Variants in ADAMTS3 observed in about 807,000 individuals in gnomAD.
ADAMTS3 encodes the protein A disintegrin and metalloproteinase with thrombospondin motifs 3.
In ADAMTS3, 73 loss-of-function variants were observed where a neutral mutation model predicts 129.0. The ratio of observed to expected loss-of-function variants is 0.57; its 90% confidence interval spans 0.47 to 0.69. The LOEUF is 0.69. Among genes scored for constraint, ADAMTS3 ranks in the 30% least tolerant of loss-of-function variants. The pLI, the probability that ADAMTS3 is intolerant of heterozygous loss-of-function variation, is 0.00. For synonymous variants in ADAMTS3, 477 were observed against 510.8 expected, an observed-to-expected ratio of 0.93 and a Z score of 0.89; for missense variants, 1,457 against 1,514.5, an observed-to-expected ratio of 0.96 and a Z score of 0.63.
chr4:72,395,368 T>A (rs1044197593), intron 4 of ADAMTS3, among the ~76,000 whole-genome samples: 1 of 152,148 alleles, frequency 6.6e-6, no homozygotes, highest in Non-Finnish European at 1.5e-5. Flanking sequence ...CAGTCTAGCA[T>A]GTATAAGGAC....
rs202156114 is a variant in ADAMTS3 at position 72,323,065 on chromosome 4, T to C, written c.894A>G (p.Gly298=). ...VNEIYHDESL[G]VHINVVLVRM... ...GCACCAGGACCACATTTATATGCAC[T>C]CCGAGGGACTCATCATGGTAAATTT... Residue 298 remains glycine (G), a synonymous_variant, in exon 6 of 22, where the codon GGA becomes GGG. Transcript: ENST00000286657. 1.2e-6 allele frequency: 2 copies of C among 1,613,552 alleles called. No individual in the cohort carries two copies. Among genetic ancestry groups the C allele is most frequent in the Admixed American group, 3.3e-5 (2 of 60,018 alleles).
intron 2 of ADAMTS3, among the ~76,000 whole-genome samples, chr4:72,560,893 A>ACAAGAAAGT (rs1372659500): frequency 6.6e-6 from 1 of 152,226 alleles, no homozygotes; most frequent in African/African-American, 2.4e-5. Context: ...TATGTTACAC[A>ACAAGAAAGT]CAAGAAAGTA....
intron 3 of ADAMTS3, among the ~76,000 whole-genome samples, chr4:72,477,850 TA>T (rs1719286729): frequency 6.6e-6 from 1 of 151,602 alleles, no homozygotes; most frequent in South Asian, 2.1e-4. Flanking sequence ...TAAAAAATGA[TA>T]AAGGGGATAT....
intron 4 of ADAMTS3, among the ~76,000 whole-genome samples, chr4:72,359,082 G>A (rs572564956): frequency 2.0e-5 from 3 of 152,084 alleles, no homozygotes; most frequent in South Asian, 2.1e-4. Flanking sequence ...TTTAAAAGTC[G>A]AGAGTGAGTA....
At chr4:72,568,526 A>AAAAGC (rs1241329499) in intron 1 of ADAMTS3, among the ~76,000 whole-genome samples, 168 bp downstream of exon 1, 1 of 152,004 alleles carries the variant, frequency 6.6e-6, no homozygotes, top group Admixed American at 6.6e-5. Context: ...CTCTACCCCC[A>AAAAGC]AAAGCCCGCA....
intron 3 of ADAMTS3, among the ~76,000 whole-genome samples, chr4:72,502,637 G>T (rs1720054819): frequency 6.6e-6 from 1 of 152,044 alleles, no homozygotes. Flanking sequence ...AGTGATTCCT[G>T]CTAGCTTTGG....
chr4:72,491,700 T>C (rs1399008237), intron 3 of ADAMTS3, among the ~76,000 whole-genome samples: 2 of 151,890 alleles, frequency 1.3e-5, no homozygotes, highest in African/African-American at 4.8e-5. Context: ...TTTGCATCCA[T>C]GTTCATCAGG....
At chr4:72,505,434 G>A (rs539513130) in intron 3 of ADAMTS3, among the ~76,000 whole-genome samples, 79 of 152,282 alleles carry the variant, frequency 5.2e-4, no homozygotes, top group Middle Eastern at 3.4e-3. Flanking sequence ...GGTAAGAGCC[G>A]GCTATGGCCA....
At chr4:72,396,732 T>A (rs932055090) in intron 4 of ADAMTS3, among the ~76,000 whole-genome samples, 71 of 152,202 alleles carry the variant, frequency 4.7e-4, no homozygotes, top group Non-Finnish European at 5.3e-4. Flanking sequence ...ACTTAAATTT[T>A]AAATATTCTG....
intron 5 of ADAMTS3, among the ~76,000 whole-genome samples, chr4:72,324,710 A>C (rs1719656740): frequency 6.6e-6 from 1 of 152,292 alleles, no homozygotes; most frequent in Non-Finnish European, 1.5e-5. Context: ...CAGATAGCTC[A>C]TGCACAAGTT....
chr4:72,295,509 T>C, intron 19 of ADAMTS3, 145 bp downstream of exon 19: 1 of 758,786 alleles, frequency 1.3e-6, no homozygotes, highest in Non-Finnish European at 2.0e-6. Context: ...ACTGCAGCTT[T>C]ATATAATTCC....
intron 4 of ADAMTS3, among the ~76,000 whole-genome samples, chr4:72,397,564 C>T (rs1330829609): frequency 4.3e-4 from 1 of 2,352 alleles, no homozygotes; most frequent in Non-Finnish European, 3.0e-3. Context: ...GACTCTATTA[C>T]ACACACACAC....
intron 18 of ADAMTS3, 134 bp downstream of exon 18, chr4:72,298,143 T>A (rs1282348722): frequency 1.6e-6 from 1 of 637,604 alleles, no homozygotes; most frequent in Non-Finnish European, 2.6e-6. Flanking sequence ...AAAAATGTTT[T>A]GTATTGATGT....
chr4:72,312,109 T>G, intron 13 of ADAMTS3, 182 bp downstream of exon 13: 1 of 605,582 alleles, frequency 1.7e-6, no homozygotes, highest in Non-Finnish European at 2.9e-6. Flanking sequence ...GCACCATTCT[T>G]ACCTCTTTAG....
chr4:72,307,786 A>G (rs1466881689), intron 15 of ADAMTS3, among the ~76,000 whole-genome samples: 1 of 152,030 alleles, frequency 6.6e-6, no homozygotes, highest in Non-Finnish European at 1.5e-5. Flanking sequence ...CTCTTGCTTA[A>G]ATGTTTTCCT....
chr4:72,534,771 A>G (rs1721145346), intron 3 of ADAMTS3, among the ~76,000 whole-genome samples: 1 of 152,230 alleles, frequency 6.6e-6, no homozygotes, highest in African/African-American at 2.4e-5. Context: ...TATTTCAAAC[A>G]TTCTCATAGA....
chr4:72,450,980 A>C (rs1718387089), intron 3 of ADAMTS3, among the ~76,000 whole-genome samples: 1 of 61,756 alleles, frequency 1.6e-5, no homozygotes, highest in Admixed American at 1.2e-4. Context: ...AGAAGAGAAG[A>C]GAAGAGAAGA....
At chr4:72,432,332 C>T (rs984885228) in intron 3 of ADAMTS3, among the ~76,000 whole-genome samples, 2 of 151,922 alleles carry the variant, frequency 1.3e-5, no homozygotes, top group East Asian at 3.9e-4. Flanking sequence ...CCCGACCACA[C>T]TATGGTGTTC....
chr4:72,517,798 C>G (rs201395707), intron 3 of ADAMTS3, among the ~76,000 whole-genome samples: 2 of 150,096 alleles, frequency 1.3e-5, no homozygotes, highest in Non-Finnish European at 3.0e-5. Context: ...CTCCTGGATT[C>G]ATTGATTTTT....
Sources: gnomAD v4.1 joint callset for allele counts (sites outside exome capture counted in the v4.1 genomes callset) on GRCh38, gnomAD v4.1.1 for gene constraint, MANE v1.5 for transcripts, NCBI Gene and HGNC (gene_info 2026-07-23, HGNC 2026-07-21) for gene names.